The following NAALADL2 variants were observed in gnomAD, a reference collection of about 807,000 sequenced individuals.
NAALADL2 encodes inactive N-acetylated-alpha-linked acidic dipeptidase-like protein 2.
A neutral mutation model predicts 87.2 loss-of-function variants in NAALADL2; 76 were observed. The observed-to-expected ratio is 0.87, with a 90% confidence interval of 0.72 to 1.05. The LOEUF (loss-of-function observed/expected upper bound fraction) is 1.05. NAALADL2 is among the 50% of genes least tolerant of loss of function. NAALADL2 has a pLI of 0.00. For missense variants in NAALADL2, 1,089 were observed against 945.8 expected (o/e 1.15, Z -1.99); for synonymous variants, 354 against 331.0 (o/e 1.07, Z -0.75).
At chr3:174,632,090 G>C (rs1250131743) in intron 2 of NAALADL2, 1 of 152,208 alleles carries the variant, frequency 6.6e-6, no homozygotes, top group Non-Finnish European at 1.5e-5. Context: ...ACCTTTGGTT[G>C]GGGTGAATCT....
intron 1 of NAALADL2, among the ~76,000 whole-genome samples, chr3:174,911,543 C>T (rs1733709403): frequency 6.6e-6 from 1 of 152,004 alleles, no homozygotes; most frequent in Non-Finnish European, 1.5e-5. Context: ...AAATTGCAAG[C>T]TGGGTTTAGG....
chr3:174,547,794 A>G (rs1711566923), intron 1 of NAALADL2, among the ~76,000 whole-genome samples: 1 of 152,132 alleles, frequency 6.6e-6, no homozygotes. Context: ...TTTAAACTTC[A>G]GATTAAAGAA....
intron 5 of NAALADL2, among the ~76,000 whole-genome samples, chr3:175,394,861 A>G (rs901792996): frequency 6.6e-6 from 1 of 152,052 alleles, no homozygotes; most frequent in Non-Finnish European, 1.5e-5. Flanking sequence ...AACTAGCACA[A>G]TTTTTTTCCC....
intron 3 of NAALADL2, among the ~76,000 whole-genome samples, chr3:174,826,341 CTG>C (rs1721993346): frequency 6.6e-6 from 1 of 152,292 alleles, no homozygotes; most frequent in South Asian, 2.1e-4. Flanking sequence ...AATTTTGGCT[CTG>C]TTATTTGCAA....
At chr3:174,999,883 TACA>T (rs1485720087) in intron 1 of NAALADL2, among the ~76,000 whole-genome samples, 1 of 152,178 alleles carries the variant, frequency 6.6e-6, no homozygotes, top group East Asian at 1.9e-4. Context: ...TGCAGGCGGA[TACA>T]ACAATACTTT....
At chr3:174,831,549 G>A (rs952327939) in intron 3 of NAALADL2, among the ~76,000 whole-genome samples, 2 of 149,248 alleles carry the variant, frequency 1.3e-5, no homozygotes, top group African/African-American at 2.5e-5. Flanking sequence ...TGTTCATCAA[G>A]GATATTGGTC....
chr3:175,036,669 G>A (rs1198112198), intron 1 of NAALADL2, among the ~76,000 whole-genome samples: 1 of 152,046 alleles, frequency 6.6e-6, no homozygotes, highest in African/African-American at 2.4e-5. Context: ...AAAGTGCTGG[G>A]ATTACAGGCA....
rs1230116243 is a variant in NAALADL2, at chr3:175,314,690, A to AGT, written c.940-9485_940-9484insGT. Among the ~76,000 whole-genome samples the AGT allele has an allele frequency of 1.6e-3, 83 of 51,470 alleles. 5 individuals are homozygous for AGT. Among genetic ancestry groups the AGT allele is most frequent in the Middle Eastern group, 0.013 (1 of 80 alleles). The allele number at this position is 51,470 out of a possible 152,430, so 33.8% of individuals were successfully genotyped here. On this transcript the variant is annotated intron_variant, in intron 4 of 13. Coordinates refer to ENST00000454872, the MANE Select transcript of NAALADL2 (RefSeq NM_207015.3). The stretch of plus-strand genomic sequence containing the variant: ...ACTATATATATATATATATATATAT[A>AGT]TATATATATATATATATATATATAT...
intron 2 of NAALADL2, among the ~76,000 whole-genome samples, chr3:174,688,308 T>C (rs985450039): frequency 7.2e-5 from 11 of 152,094 alleles, no homozygotes; most frequent in African/African-American, 2.7e-4. Flanking sequence ...TTTAATAACA[T>C]AAAGCAGTTA....
intron 2 of NAALADL2, among the ~76,000 whole-genome samples, chr3:175,101,268 A>G (rs1722120414): frequency 6.6e-6 from 1 of 152,176 alleles, no homozygotes; most frequent in Non-Finnish European, 1.5e-5. Context: ...CCAATACACT[A>G]TTCTTCTATT....
intron 12 of NAALADL2, among the ~76,000 whole-genome samples, chr3:175,739,584 T>C (rs1329270791): frequency 2.6e-5 from 4 of 152,192 alleles, no homozygotes; most frequent in Non-Finnish European, 5.9e-5. Context: ...GTTAAATGTA[T>C]ACAAAAATTT....
At chr3:175,703,766 CA>C (rs1739304733) in intron 11 of NAALADL2, among the ~76,000 whole-genome samples, 2 of 151,972 alleles carry the variant, frequency 1.3e-5, no homozygotes, top group Non-Finnish European at 1.5e-5. Context: ...AATAAATAAA[CA>C]AAACTTAACC....
chr3:174,620,734 G>C (rs1720916527), intron 2 of NAALADL2, among the ~76,000 whole-genome samples: 1 of 152,038 alleles, frequency 6.6e-6, no homozygotes, highest in Non-Finnish European at 1.5e-5. Context: ...AACTGGTTAT[G>C]AAAGTGATAT....
intron 10 of NAALADL2, among the ~76,000 whole-genome samples, chr3:175,588,541 T>C (rs919228183): frequency 3.0e-5 from 4 of 131,630 alleles, no homozygotes; most frequent in Non-Finnish European, 3.3e-5. Context: ...TTTCTTTTTT[T>C]TTTTTTTTTT....
At chr3:175,597,272 G>A (rs1327913282) in intron 10 of NAALADL2, among the ~76,000 whole-genome samples, 1 of 151,878 alleles carries the variant, frequency 6.6e-6, no homozygotes, top group Non-Finnish European at 1.5e-5. Context: ...TTTGTGAAGG[G>A]AAAACCCGAA....
At chr3:175,520,988 TTGTC>T (rs1281526300) in intron 9 of NAALADL2, among the ~76,000 whole-genome samples, 2 of 152,104 alleles carry the variant, frequency 1.3e-5, no homozygotes, top group Non-Finnish European at 2.9e-5. Context: ...AGAGAGATGA[TTGTC>T]TGTCATATAA....
chr3:175,570,915 A>G (rs1232546145), intron 9 of NAALADL2, among the ~76,000 whole-genome samples: 1 of 149,810 alleles, frequency 6.7e-6, no homozygotes, highest in African/African-American at 2.5e-5. Flanking sequence ...TAATTTTATT[A>G]TGGTGTATTG....
At chr3:175,135,599 G>A (rs1729001959) in intron 2 of NAALADL2, among the ~76,000 whole-genome samples, 1 of 152,108 alleles carries the variant, frequency 6.6e-6, no homozygotes, top group Non-Finnish European at 1.5e-5. Context: ...GAAAGATGTT[G>A]ATTTCAAAAC....
intron 11 of NAALADL2, among the ~76,000 whole-genome samples, chr3:175,650,354 T>G (rs1258579573): frequency 6.6e-6 from 1 of 152,132 alleles, no homozygotes; most frequent in Non-Finnish European, 1.5e-5. Context: ...CAAATAGAAC[T>G]CAAAGGAATT....
Sources: gnomAD v4.1 joint callset for allele counts (sites outside exome capture counted in the v4.1 genomes callset) on GRCh38, gnomAD v4.1.1 for gene constraint, MANE v1.5 for transcripts, NCBI Gene and HGNC (gene_info 2026-07-23, HGNC 2026-07-21) for gene names.